The following EPHA6 variants were observed in gnomAD, a reference collection of about 807,000 sequenced individuals.
The protein encoded by EPHA6 is EPH receptor A6, also known as ephrin type-A receptor 6.
Under a neutral mutation model 112.0 loss-of-function variants are expected in EPHA6, and 50 were observed. The ratio of observed to expected loss-of-function variants is 0.45; its 90% CI spans 0.36 to 0.56. EPHA6 has a LOEUF of 0.56. Ranked by LOEUF, EPHA6 falls within the 20% of genes least tolerant of loss-of-function variation. EPHA6 has a pLI of 0.00. For synonymous variants in EPHA6, 529 were observed against 490.7 expected, an observed-to-expected ratio of 1.08 and a Z score of -1.03; for missense variants, 1,280 against 1,417.4, an observed-to-expected ratio of 0.90 and a Z score of 1.56.
At chr3:97,704,388 T>C (rs1199438714) in intron 14 of EPHA6, among the ~76,000 whole-genome samples, 1 of 152,198 alleles carries the variant, frequency 6.6e-6, no homozygotes, top group Non-Finnish European at 1.5e-5. Context: ...TCTCTTTCTC[T>C]TCTGGACCTG....
rs142231828 is a variant in EPHA6, at chr3:96,892,538, T to C, written c.450+25649T>C. Among the ~76,000 whole-genome samples the C allele has an allele frequency of 8.2e-4, 125 of 152,026 alleles. 1 individual carries two copies. The highest frequency in any genetic ancestry group is 2.9e-3 in the African/African-American group (121 of 41,528). On this transcript the variant is annotated intron_variant, in intron 2 of 17. Transcript: ENST00000389672. Reference sequence around the variant, plus strand: ...CGCCTGGCCAAAAGATCACTTCTTATTGTTGCATTGACCAGAACTAGTGAT... The same window carrying C: ...CGCCTGGCCAAAAGATCACTTCTTACTGTTGCATTGACCAGAACTAGTGAT...
At chr3:97,524,699 G>A (rs2092593967) in intron 10 of EPHA6, among the ~76,000 whole-genome samples, 1 of 152,022 alleles carries the variant, frequency 6.6e-6, no homozygotes, top group Admixed American at 6.6e-5. Flanking sequence ...GTTTGTCTTA[G>A]AATGTCTTGA....
chr3:97,226,463 T>C, intron 4 of EPHA6, 44 bp downstream of exon 4: 4 of 1,525,756 alleles, frequency 2.6e-6, no homozygotes, highest in Non-Finnish European at 3.5e-6. Flanking sequence ...TTTCCAACCC[T>C]TTTGGTCTTT....
chr3:97,006,070 G>T (rs1035500147), intron 3 of EPHA6, among the ~76,000 whole-genome samples: 1 of 152,052 alleles, frequency 6.6e-6, no homozygotes, highest in Admixed American at 6.6e-5. Flanking sequence ...ATATTGGCCT[G>T]AAGTTTTCTC....
At chr3:97,050,024 A>G (rs2045634081) in intron 3 of EPHA6, among the ~76,000 whole-genome samples, 1 of 152,154 alleles carries the variant, frequency 6.6e-6, no homozygotes, top group Middle Eastern at 3.2e-3. Flanking sequence ...CGAGTAAGAA[A>G]AATAACTGTT....
At chr3:97,049,244 G>A (rs1230914198) in intron 3 of EPHA6, among the ~76,000 whole-genome samples, 1 of 152,162 alleles carries the variant, frequency 6.6e-6, no homozygotes, top group African/African-American at 2.4e-5. Context: ...GGTCTGACTT[G>A]TTTGTTAACA....
intron 11 of EPHA6, chr3:97,590,285 A>T (rs776076547): frequency 6.6e-6 from 1 of 152,364 alleles, no homozygotes; most frequent in South Asian, 2.1e-4. Flanking sequence ...CCCATGGTAA[A>T]GAAACATAGC....
At chr3:97,573,871 T>C (rs903193815) in intron 11 of EPHA6, among the ~76,000 whole-genome samples, 11 of 151,722 alleles carry the variant, frequency 7.3e-5, no homozygotes, top group African/African-American at 2.7e-4. Flanking sequence ...TGTATTGATT[T>C]AATATTAATC....
At chr3:97,614,501 ATTTTT>A (rs35126699) in intron 13 of EPHA6, among the ~76,000 whole-genome samples, 6 of 98,266 alleles carry the variant, frequency 6.1e-5, no homozygotes, top group Non-Finnish European at 1.1e-4. Context: ...CACCCAGCTA[ATTTTT>A]TTTTTTTTTT....
intron 3 of EPHA6, among the ~76,000 whole-genome samples, chr3:96,995,125 GTGT>G (rs2043372633): frequency 6.6e-6 from 1 of 152,032 alleles, no homozygotes; most frequent in Non-Finnish European, 1.5e-5. Context: ...CTCTTGAAGA[GTGT>G]TGTTATTAAG....
At chr3:97,045,786 C>T (rs1185773852) in intron 3 of EPHA6, among the ~76,000 whole-genome samples, 2 of 152,048 alleles carry the variant, frequency 1.3e-5, no homozygotes, top group African/African-American at 4.8e-5. Flanking sequence ...CAATGTTTGA[C>T]CACTGCCCTT....
At chr3:96,897,926 CTAGTTAACGCTGCTAT>C (rs1312602609) in intron 2 of EPHA6, among the ~76,000 whole-genome samples, 7 of 152,126 alleles carry the variant, frequency 4.6e-5, no homozygotes, top group African/African-American at 1.7e-4. Flanking sequence ...CATTGGTGAA[CTAGTTAACGCTGCTAT>C]TTAGTGCCAG....
At chr3:97,271,153 C>A (rs1576813320) in intron 5 of EPHA6, among the ~76,000 whole-genome samples, 1 of 152,314 alleles carries the variant, frequency 6.6e-6, no homozygotes, top group African/African-American at 2.4e-5. Flanking sequence ...TGTAATTACA[C>A]CAGTACACCA....
intron 3 of EPHA6, among the ~76,000 whole-genome samples, chr3:97,067,523 G>C (rs1300349406): frequency 2.0e-5 from 3 of 148,066 alleles, no homozygotes; most frequent in Non-Finnish European, 2.9e-5. Flanking sequence ...GATTGAGACT[G>C]AAATTATCAG....
At position 96,987,887 on chromosome 3, in the gene EPHA6, G is replaced by A. The variant is rs776547293; in HGVS notation, c.1008G>A (p.Glu336=). 2.5e-6 allele frequency: 4 copies of A among 1,613,884 alleles called. No homozygotes were observed. The highest frequency in any genetic ancestry group is 3.4e-6 in the Non-Finnish European group (4 of 1,179,840). ...VRGSCVKSAE[E]RDTPKLYCGA... is the part of the protein sequence containing the mutation. ...GTTCTTGTGTGAAGAGTGCTGAAGA[G>A]CGTGACACTCCTAAACTGTATTGTG... is the stretch of plus-strand genomic sequence containing the variant. The change falls in exon 3 of 18, where the codon GAG becomes GAA. Residue 336 remains glutamate (E), a synonymous_variant. Coordinates refer to ENST00000389672, the MANE Select transcript of EPHA6 (RefSeq NM_001080448.3).
intron 15 of EPHA6, among the ~76,000 whole-genome samples, chr3:97,733,282 A>AG (rs1419870458): frequency 1.3e-5 from 2 of 152,014 alleles, no homozygotes; most frequent in Admixed American, 6.6e-5. Context: ...TTGGTCAAGT[A>AG]CCTACCTCTT....
intron 11 of EPHA6, among the ~76,000 whole-genome samples, chr3:97,553,536 G>GGA (rs972285969): frequency 3.3e-4 from 50 of 151,332 alleles, no homozygotes; most frequent in East Asian, 1.7e-3. Context: ...CATGGCTGCA[G>GGA]GAGAGAGAGA....
Position 96,814,619 on chromosome 3 carries a change from GGT to G in EPHA6, c.-3_-2del. 1 of 1,451,024 alleles carries G rather than the reference GGT, an allele frequency of 6.9e-7. No homozygotes were observed. The highest frequency in any genetic ancestry group is 9.1e-7 in the Non-Finnish European group (1 of 1,101,314). The allele number at this position is 1,451,024 out of a possible 1,614,324, so 89.9% of individuals were successfully genotyped here. On this transcript the variant is annotated 5_prime_UTR_variant, in exon 1 of 18. Coordinates refer to ENST00000389672, the MANE Select transcript of EPHA6 (RefSeq NM_001080448.3). The stretch of plus-strand genomic sequence containing the variant: ...AGTCCTCGCGCAAGCGGGACACTGT[GGT>G]GGATGCAATTCCCCTCGCCTCCAGC...
At chr3:97,121,393 CTT>C (rs1484758540) in intron 3 of EPHA6, among the ~76,000 whole-genome samples, 1 of 151,958 alleles carries the variant, frequency 6.6e-6, no homozygotes, top group Non-Finnish European at 1.5e-5. Context: ...TAGAGATAAT[CTT>C]ATATGTAGGT....
Sources: allele counts gnomAD v4.1 joint callset (sites outside exome capture counted in the v4.1 genomes callset), GRCh38; gene constraint gnomAD v4.1.1; transcripts MANE v1.5; gene names NCBI Gene and HGNC (gene_info 2026-07-23, HGNC 2026-07-21).